RPL6: variants seen among roughly 807,000 people sequenced by gnomAD.
RPL6 encodes the protein ribosomal protein L6.
Under a neutral mutation model 32.1 loss-of-function variants are expected in RPL6, and 1 was observed. The observed-to-expected ratio is 0.03, with a 90% CI of 0.01 to 0.15. The LOEUF (loss-of-function observed/expected upper bound fraction) is 0.15, where lower values mean the gene tolerates loss of function less well. Among genes scored for constraint, RPL6 ranks in the 10% least tolerant of loss-of-function variants. RPL6 has a pLI of 1.00. For missense variants in RPL6, 275 were observed against 354.6 expected (o/e 0.78, Z 1.80); for synonymous variants, 126 against 131.6 (o/e 0.96, Z 0.29).
rs113381499 is a variant in RPL6 at position 112,418,082 on chromosome 12, C to T, written c.-229+646G>A. ...GCAACCTCTGCCTCCCGGGTTCAAG[C>T]GATTCTCCTGCTTCAGACTCCCAAG... On this transcript the variant is annotated intron_variant, in intron 1 of 5. Coordinates refer to the RPL6 transcript ENST00000551291. Among the ~76,000 whole-genome samples, 242 of 152,008 alleles carry T rather than the reference C, an allele frequency of 1.6e-3. 2 individuals carry two copies. The highest frequency in any genetic ancestry group is 5.5e-3 in the African/African-American group (226 of 41,452).
At position 112,405,204 on chromosome 12, in the gene RPL6, T is replaced by C; in HGVS notation, c.*20A>G. ...GAGACACAAAATGTAGTCAGCTATT[T>C]AATTAGGTTCTTAAGACATTTAGAA... On this transcript the variant is annotated 3_prime_UTR_variant, in exon 7 of 7. Transcript: ENST00000202773. The C allele has an allele frequency of 6.4e-7, 1 of 1,552,056 alleles. No homozygotes were observed. The highest frequency in any genetic ancestry group is 8.7e-7 in the Non-Finnish European group (1 of 1,154,292).
rs961585209 is a variant in RPL6 at position 112,405,764 on chromosome 12, C to G, written c.714+89G>C. On this transcript the variant is annotated intron_variant, in intron 6 of 6. Coordinates refer to ENST00000202773, the MANE Select transcript of RPL6 (RefSeq NM_000970.6). ...CAGCATTCCTCATTATTTAACCTTT[C>G]ATTTTTCTTCTTTTTGTGCAACCTG... is the stretch of plus-strand genomic sequence containing the variant. 2.0e-5 allele frequency: 22 copies of G among 1,089,130 alleles called. No homozygotes were observed. The African/African-American group carries it at 3.5e-4, about 17-fold the overall frequency. The allele number at this position is 1,089,130 out of a possible 1,614,324, so 67.5% of individuals were successfully genotyped here. A position where few individuals can be genotyped will look rare whatever the true frequency, so the allele number is the denominator to read the frequency against.
upstream of RPL6, chr12:112,411,362 C>T (rs2037339231): frequency 6.6e-6 from 1 of 152,188 alleles, no homozygotes; most frequent in Admixed American, 6.6e-5. Context: ...GAGCTTTTCA[C>T]CTTGATTTTT....
chr12:112,414,138 A>T (rs1168911075), upstream of RPL6, among the ~76,000 whole-genome samples: 2 of 152,262 alleles, frequency 1.3e-5, no homozygotes, highest in Non-Finnish European at 2.9e-5. Context: ...TATTCCAGGC[A>T]GTAGGAACTA....
At chr12:112,412,383 C>T (rs2037351710), upstream of RPL6, among the ~76,000 whole-genome samples, 1 of 151,896 alleles carries the variant, frequency 6.6e-6, no homozygotes, top group Admixed American at 6.6e-5. Flanking sequence ...CCATGTTGGC[C>T]AGGCTGGTTT....
At chr12:112,417,152 G>A (rs868033902) in intron 1 of RPL6, among the ~76,000 whole-genome samples, 4 of 152,122 alleles carry the variant, frequency 2.6e-5, no homozygotes, top group South Asian at 2.1e-4. Context: ...CTGCCTGTCC[G>A]GTTCAAGCAA....
upstream of RPL6, among the ~76,000 whole-genome samples, chr12:112,415,329 G>A (rs2135811448): frequency 6.6e-6 from 1 of 152,328 alleles, no homozygotes; most frequent in South Asian, 2.1e-4. Context: ...AAGGCCTTGG[G>A]AGGTCAAAGT....
At chr12:112,408,152 A>G (rs2037233221) in intron 3 of RPL6, 88 bp downstream of exon 3, 2 of 967,066 alleles carry the variant, frequency 2.1e-6, no homozygotes, top group African/African-American at 3.3e-5. Context: ...TCCGGTATGC[A>G]GAAACTTACA....
rs1333387556 is a variant in RPL6 at position 112,406,739 on chromosome 12, A to G, written c.480+8T>C. The G allele has an allele frequency of 7.4e-6, 12 of 1,613,964 alleles. No individual in the cohort carries two copies. Among genetic ancestry groups the G allele is most frequent in the Middle Eastern group, 1.7e-4 (1 of 6,006 alleles). The stretch of plus-strand genomic sequence containing the variant: ...GCAGTGAAGCGCCCCAAGCACAGGT[A>G]CTCTCACCTTGCCCCTGTGGCGTCC... On this transcript the variant is annotated splice_region_variant and intron_variant, in intron 4 of 6. Coordinates refer to ENST00000202773, the MANE Select transcript of RPL6 (RefSeq NM_000970.6).
upstream of RPL6, chr12:112,410,342 T>A (rs1037266238): frequency 3.4e-6 from 1 of 293,182 alleles, no homozygotes. Flanking sequence ...GGCTGACTAC[T>A]TCCTCTTGTA....
In RPL6 at chr12:112,405,192, T is replaced by C; in HGVS notation, c.*32A>G. 2 of 1,548,544 alleles carry C rather than the reference T, an allele frequency of 1.3e-6. No homozygotes were observed. Among genetic ancestry groups the C allele is most frequent in the African/African-American group, 1.4e-5 (1 of 71,774 alleles). On this transcript the variant is annotated 3_prime_UTR_variant, in exon 7 of 7. Transcript: ENST00000202773. ...AAATTAAAAAAAGAGACACAAAATG[T>C]AGTCAGCTATTTAATTAGGTTCTTA...
intron 3 of RPL6, chr12:112,407,830 C>A (rs575834421): frequency 1.2e-5 from 2 of 171,150 alleles, no homozygotes; most frequent in African/African-American, 2.4e-5. Context: ...CGGGTTCAAG[C>A]GATTCTTCTG....
At chr12:112,409,639 C>A (rs1056357422), upstream of RPL6, 3 of 396,950 alleles carry the variant, frequency 7.6e-6, no homozygotes, top group Admixed American at 1.3e-4. Flanking sequence ...TATAAGCAAT[C>A]ATGGGAAGTG....
At chr12:112,416,097 T>C (rs1381648106) in intron 1 of RPL6, among the ~76,000 whole-genome samples, 1 of 149,130 alleles carries the variant, frequency 6.7e-6, no homozygotes, top group Non-Finnish European at 1.5e-5. Flanking sequence ...TAGCTGGGAC[T>C]ACAGGTGCCT....
At position 112,405,731 on chromosome 12, in the gene RPL6, G is replaced by A. The variant is rs141208990; in HGVS notation, c.714+122C>T. On this transcript the variant is annotated intron_variant, in intron 6 of 6. Transcript: ENST00000202773. ...AATTTAGAAGAATCTGGAATACTAAGTATCTCCCAGCATTCCTCATTATTT... is the reference window on the plus strand; with the variant it reads ...AATTTAGAAGAATCTGGAATACTAAATATCTCCCAGCATTCCTCATTATTT... The A allele has an allele frequency of 1.7e-4, 135 of 813,148 alleles. No homozygotes were observed. In the African/African-American group the frequency reaches 2.0e-3, roughly 12 times the overall value. The allele number at this position is 813,148 out of a possible 1,614,324, so 50.4% of individuals were successfully genotyped here.
chr12:112,409,750 C>G, upstream of RPL6: 1 of 328,750 alleles, frequency 3.0e-6, no homozygotes, highest in Non-Finnish European at 5.5e-6. Flanking sequence ...GTGGCTCACG[C>G]CTGTAATCCC....
At chr12:112,414,880 G>C (rs948411377), upstream of RPL6, among the ~76,000 whole-genome samples, 1 of 151,920 alleles carries the variant, frequency 6.6e-6, no homozygotes, top group African/African-American at 2.4e-5. Context: ...ACTCCAGCCT[G>C]GGAGACAGAG....
chr12:112,415,731 CTT>C (rs1198034706), intron 1 of RPL6, among the ~76,000 whole-genome samples: 2 of 143,798 alleles, frequency 1.4e-5, no homozygotes, highest in African/African-American at 5.1e-5. Flanking sequence ...AAACAAAAAA[CTT>C]TTTTTTTTTT....
chr12:112,408,750 C>G, intron 1 of RPL6, 94 bp from the exon 2 acceptor site: 1 of 1,074,254 alleles, frequency 9.3e-7, no homozygotes, highest in South Asian at 1.6e-5. Context: ...GGCTGGGCTC[C>G]CCAGACTACA....
Sources: gnomAD v4.1 joint callset for allele counts (sites outside exome capture counted in the v4.1 genomes callset) on GRCh38, gnomAD v4.1.1 for gene constraint, MANE v1.5 for transcripts, NCBI Gene and HGNC (gene_info 2026-07-23, HGNC 2026-07-21) for gene names.